The following RPS6KA2 variants were observed in gnomAD, a reference collection of about 807,000 sequenced individuals.
RPS6KA2 encodes ribosomal protein S6 kinase A2, also known as ribosomal protein S6 kinase alpha-2.
Under a neutral mutation model 91.8 loss-of-function variants are expected in RPS6KA2, and 42 were observed. That is an observed-to-expected ratio of 0.46 (90% CI 0.36 to 0.59). The LOEUF (loss-of-function observed/expected upper bound fraction) is 0.59. Ranked by LOEUF, RPS6KA2 falls within the 20% of genes least tolerant of loss-of-function variation. RPS6KA2 has a pLI of 0.00. For synonymous variants in RPS6KA2, 414 were observed against 393.6 expected (o/e 1.05, Z -0.61); for missense variants, 798 against 978.5 (o/e 0.82, Z 2.46).
chr6:166,428,447 G>A (rs1448556908), intron 16 of RPS6KA2, among the ~76,000 whole-genome samples: 2 of 138,946 alleles, frequency 1.4e-5, no homozygotes, highest in African/African-American at 5.5e-5. Context: ...AGCCAAAATT[G>A]ACAAATGGGA....
intron 3 of RPS6KA2, among the ~76,000 whole-genome samples, chr6:166,527,991 A>G (rs1160167976): frequency 6.6e-6 from 1 of 152,130 alleles, no homozygotes. Flanking sequence ...GGCTACTGTG[A>G]ATTGGCTGGT....
intron 2 of RPS6KA2, among the ~76,000 whole-genome samples, chr6:166,792,714 A>C (rs1779123305): frequency 6.6e-6 from 1 of 152,262 alleles, no homozygotes; most frequent in African/African-American, 2.4e-5. Flanking sequence ...GCAAATCAAT[A>C]AACATAATCC....
In RPS6KA2 at chr6:166,669,926, C is replaced by T. The variant is rs147837085; in HGVS notation, c.124-131142G>A. ...TAGCAAGGAGGAACCCACGTGGGGCCCGGGAAGTCCTATGGAGGAGTTGCC... is the reference window on the plus strand; with the variant it reads ...TAGCAAGGAGGAACCCACGTGGGGCTCGGGAAGTCCTATGGAGGAGTTGCC... On this transcript the variant is annotated intron_variant, in intron 2 of 21. Coordinates refer to the RPS6KA2 transcript ENST00000503859. Among the ~76,000 whole-genome samples the T allele has an allele frequency of 2.2e-3, 336 of 152,298 alleles. 3 individuals are homozygous for T. The highest frequency in any genetic ancestry group is 0.014 in the South Asian group (66 of 4,824).
chr6:166,450,676 C>T (rs564505482), intron 13 of RPS6KA2, among the ~76,000 whole-genome samples: 6 of 141,666 alleles, frequency 4.2e-5, no homozygotes, highest in African/African-American at 1.6e-4. Context: ...GGGACCACCA[C>T]AGGGACCACC....
intron 2 of RPS6KA2, among the ~76,000 whole-genome samples, chr6:166,837,439 CTCCCACT>C (rs983827276): frequency 1.3e-5 from 2 of 152,228 alleles, no homozygotes; most frequent in African/African-American, 4.8e-5. Flanking sequence ...GGCCTTCCCC[CTCCCACT>C]GGCTAAGGGC....
chr6:166,550,865 G>A (rs887078507), intron 1 of RPS6KA2, among the ~76,000 whole-genome samples: 5 of 151,836 alleles, frequency 3.3e-5, no homozygotes, highest in African/African-American at 4.8e-5. Flanking sequence ...GCCAGGCGTG[G>A]TGGCGGGCGC....
chr6:166,532,329 G>A (rs1048333700), intron 2 of RPS6KA2, among the ~76,000 whole-genome samples: 2 of 152,232 alleles, frequency 1.3e-5, no homozygotes, highest in Admixed American at 6.5e-5. Context: ...CAAGACTGGA[G>A]GGGCAACGTC....
At chr6:166,857,472 T>G (rs571520222) in intron 2 of RPS6KA2, among the ~76,000 whole-genome samples, 89 of 152,330 alleles carry the variant, frequency 5.8e-4, no homozygotes, top group African/African-American at 2.1e-3. Flanking sequence ...AGTGTCTCCC[T>G]GATGGATACA....
At chr6:166,470,024 A>G in intron 10 of RPS6KA2, 119 bp from the exon 11 acceptor site, 1 of 893,988 alleles carries the variant, frequency 1.1e-6, no homozygotes, top group South Asian at 1.4e-5. Flanking sequence ...GAAGGAGCCC[A>G]GAGGCTGCTC....
At chr6:166,544,234 C>T (rs573568419) in intron 1 of RPS6KA2, among the ~76,000 whole-genome samples, 14 of 152,362 alleles carry the variant, frequency 9.2e-5, no homozygotes, top group African/African-American at 3.1e-4. Context: ...TAGTCTACCA[C>T]GCCGCTAGAA....
At chr6:166,861,613 T>A (rs1781048769) in intron 1 of RPS6KA2, among the ~76,000 whole-genome samples, 1 of 152,250 alleles carries the variant, frequency 6.6e-6, no homozygotes, top group Admixed American at 6.5e-5. Context: ...TGACCATTCA[T>A]CCTTTTAAGG....
rs949181929 is a variant in RPS6KA2 at position 166,635,826 on chromosome 6, G to A, written c.124-97042C>T. Among the ~76,000 whole-genome samples, 1 of 151,918 alleles carries A rather than the reference G, an allele frequency of 6.6e-6. No homozygotes were observed. The highest frequency in any genetic ancestry group is 6.5e-5 in the Admixed American group (1 of 15,272). ...GGGGAGAAGGCTGCATCCACCCCAGGAGGGTGACCTGGGTGTGTCCGGTAA... is the reference window on the plus strand; with the variant it reads ...GGGGAGAAGGCTGCATCCACCCCAGAAGGGTGACCTGGGTGTGTCCGGTAA... On this transcript the variant is annotated intron_variant, in intron 2 of 21. Coordinates refer to the RPS6KA2 transcript ENST00000503859. The surrounding 1 kb of genome is among the most constrained non-coding windows in gnomAD (Gnocchi z 4.8).
rs181589646 is a variant in RPS6KA2, at chr6:166,554,258, C to T, written c.100-15474G>A. The stretch of plus-strand genomic sequence containing the variant: ...CTGAGAAGCGACTGCTACCCCTTTC[C>T]CAGAAGTAAGAGATCTGCAAAATTT... On this transcript the variant is annotated intron_variant, in intron 1 of 20. Coordinates refer to ENST00000265678, the MANE Select transcript of RPS6KA2 (RefSeq NM_021135.6). This position sits in a 1 kb window ranked among gnomAD's most constrained non-coding sequence, Gnocchi z 4.3. Among the ~76,000 whole-genome samples the T allele has an allele frequency of 3.2e-3, 485 of 152,294 alleles. 2 individuals are homozygous for T. The highest frequency in any genetic ancestry group is 3.7e-3 in the Non-Finnish European group (251 of 68,036).
At chr6:166,521,554 C>T (rs1782854774) in intron 3 of RPS6KA2, among the ~76,000 whole-genome samples, 1 of 152,182 alleles carries the variant, frequency 6.6e-6, no homozygotes. Context: ...TATGCTGGTC[C>T]CACCACGGGA....
chr6:166,516,770 C>T (rs1254187570), intron 3 of RPS6KA2, among the ~76,000 whole-genome samples: 1 of 152,204 alleles, frequency 6.6e-6, no homozygotes, highest in Non-Finnish European at 1.5e-5. Context: ...TCCAATGTGC[C>T]TCCTCTTCTG....
intron 1 of RPS6KA2, among the ~76,000 whole-genome samples, chr6:166,605,297 C>G (rs1259863787): frequency 6.6e-6 from 1 of 152,158 alleles, no homozygotes; most frequent in Non-Finnish European, 1.5e-5. Flanking sequence ...ACAGCATTTA[C>G]AATAATTTCA....
intron 3 of RPS6KA2, among the ~76,000 whole-genome samples, chr6:166,512,396 G>C (rs909818725): frequency 2.0e-5 from 3 of 152,184 alleles, no homozygotes; most frequent in Non-Finnish European, 4.4e-5. Flanking sequence ...ACAACATTGT[G>C]AATGTATTGA....
intron 3 of RPS6KA2, among the ~76,000 whole-genome samples, chr6:166,520,756 G>A (rs1371903217): frequency 2.6e-5 from 4 of 152,220 alleles, no homozygotes; most frequent in Non-Finnish European, 5.9e-5. Flanking sequence ...GAGCTGTAGA[G>A]AAGGCCTACA....
At chr6:166,744,871 G>A (rs1790942980) in intron 2 of RPS6KA2, among the ~76,000 whole-genome samples, 1 of 152,200 alleles carries the variant, frequency 6.6e-6, no homozygotes, top group Non-Finnish European at 1.5e-5. Flanking sequence ...GGGGGCCTGG[G>A]CCTTCCCCGG....
Sources: allele counts gnomAD v4.1 joint callset (sites outside exome capture counted in the v4.1 genomes callset), GRCh38; gene constraint gnomAD v4.1.1; non-coding constraint Gnocchi (gnomAD v3.1); transcripts MANE v1.5; gene names NCBI Gene and HGNC (gene_info 2026-07-23, HGNC 2026-07-21).